The following LY75 variants were observed in gnomAD, a reference collection of about 807,000 sequenced individuals.
LY75 encodes the protein C-type lectin domain family 13 member B.
Under a neutral mutation model 231.7 loss-of-function variants are expected in LY75, and 185 were observed. The ratio of observed to expected loss-of-function variants is 0.80; its 90% CI spans 0.71 to 0.90. LY75 has a LOEUF of 0.90. Ranked by LOEUF, LY75 falls within the 40% of genes least tolerant of loss-of-function variation. The pLI, the probability that LY75 is intolerant of heterozygous loss-of-function variation, is 0.00. For synonymous variants in LY75, 668 were observed against 689.0 expected (o/e 0.97, Z 0.48); for missense variants, 1,947 against 2,050.2 (o/e 0.95, Z 0.97).
chr2:159,871,750 C>T (rs1320955357), intron 13 of LY75: 4 of 152,260 alleles, frequency 2.6e-5, no homozygotes, highest in African/African-American at 9.6e-5. Context: ...GGGCAGATCA[C>T]CTGAGGTCAG....
rs191185780 is a variant in LY75 at position 159,885,993 on chromosome 2, T to C, written c.913+427A>G. Among the ~76,000 whole-genome samples, 266 of 152,276 alleles carry C rather than the reference T, an allele frequency of 1.7e-3. 1 individual carries two copies. Among genetic ancestry groups the C allele is most frequent in the African/African-American group, 6.1e-3 (253 of 41,564 alleles). ...TTATTTGTATTATAAAATACAACCATTATATTGTCAGTACTTGGGTGCTAT... is the reference window on the plus strand; with the variant it reads ...TTATTTGTATTATAAAATACAACCACTATATTGTCAGTACTTGGGTGCTAT... On this transcript the variant is annotated intron_variant, in intron 5 of 34. Coordinates refer to ENST00000263636, the MANE Select transcript of LY75 (RefSeq NM_002349.4).
intron 12 of LY75, among the ~76,000 whole-genome samples, chr2:159,873,309 G>A (rs10497206): frequency 6.6e-6 from 1 of 152,102 alleles, no homozygotes; most frequent in African/African-American, 2.4e-5. Flanking sequence ...CGGAGTATAC[G>A]TCTTTGTACC....
chr2:159,846,948 C>A (rs1340857690), intron 23 of LY75, among the ~76,000 whole-genome samples: 1 of 152,166 alleles, frequency 6.6e-6, no homozygotes, highest in African/African-American at 2.4e-5. Flanking sequence ...TATCAAACTA[C>A]CAAATTAAGA....
chr2:159,898,617 A>G (rs1685970442), intron 2 of LY75, 71 bp downstream of exon 2: 1 of 1,545,848 alleles, frequency 6.5e-7, no homozygotes, highest in South Asian at 1.2e-5. Context: ...TTTTTACTAA[A>G]TTGTGCATGT....
chr2:159,838,486 T>C (rs1255411113), intron 25 of LY75, among the ~76,000 whole-genome samples: 2 of 152,174 alleles, frequency 1.3e-5, no homozygotes, highest in Non-Finnish European at 2.9e-5. Context: ...CATACCAAAA[T>C]ATTGATTGAA....
At chr2:159,877,035 GAAA>G in intron 11 of LY75, among the ~76,000 whole-genome samples, 1 of 116,300 alleles carries the variant, frequency 8.6e-6, no homozygotes, top group African/African-American at 3.1e-5. Flanking sequence ...AAAAAAAAAA[GAAA>G]AAAGAAAAAG....
chr2:159,871,478 A>T (rs1021284377), intron 13 of LY75, among the ~76,000 whole-genome samples: 11 of 152,062 alleles, frequency 7.2e-5, no homozygotes, highest in Non-Finnish European at 1.5e-4. Context: ...AATTTAAAAA[A>T]TTTTTAAATT....
intron 8 of LY75, among the ~76,000 whole-genome samples, chr2:159,879,992 T>C (rs1188069250): frequency 6.6e-6 from 1 of 152,246 alleles, no homozygotes; most frequent in Non-Finnish European, 1.5e-5. Flanking sequence ...TGTCTAGGTA[T>C]GCCATCAATT....
chr2:159,848,040 C>T (rs1309277700), intron 23 of LY75, among the ~76,000 whole-genome samples: 8 of 143,548 alleles, frequency 5.6e-5, no homozygotes, highest in Non-Finnish European at 9.0e-5. Flanking sequence ...GCCCATCAGT[C>T]AATGAATGGA....
At chr2:159,841,542 G>A (rs1176430889) in intron 24 of LY75, among the ~76,000 whole-genome samples, 1 of 152,076 alleles carries the variant, frequency 6.6e-6, no homozygotes, top group African/African-American at 2.4e-5. Context: ...TGTGATCAAT[G>A]AAAAATAATG....
intron 5 of LY75, 120 bp from the exon 6 acceptor site, chr2:159,885,413 A>T: frequency 1.5e-6 from 2 of 1,293,632 alleles, no homozygotes; most frequent in Non-Finnish European, 2.1e-6. Context: ...TATAGTTAAA[A>T]CTTAACTAAA....
At position 159,854,475 on chromosome 2, in the gene LY75, G is replaced by A; in HGVS notation, c.2480C>T (p.Ala827Val). The change falls in exon 18 of 35, where the codon GCT (alanine) becomes GTT (valine). Residue 827 changes from alanine (A) to valine (V), a missense_variant. Coordinates refer to ENST00000263636, the MANE Select transcript of LY75 (RefSeq NM_002349.4). The stretch of plus-strand genomic sequence containing the variant: ...TTCTTCATAGTTTAGGTGAAGATCA[G>A]CAACAAACCAATATTCACTTCCTTC... ...IIEGSEYWFV[A>V]DLHLNYEEAV... The A allele has an allele frequency of 1.2e-6, 2 of 1,613,524 alleles. No individual in the cohort carries two copies. Among genetic ancestry groups the A allele is most frequent in the Non-Finnish European group, 1.7e-6 (2 of 1,179,634 alleles).
At chr2:159,855,433 T>C (rs1046939877) in intron 16 of LY75, among the ~76,000 whole-genome samples, 2 of 152,156 alleles carry the variant, frequency 1.3e-5, no homozygotes, top group Non-Finnish European at 2.9e-5. Flanking sequence ...GGAAACAATG[T>C]ACAATGCTCC....
chr2:159,850,773 C>CATATATAT lies in LY75; in HGVS notation c.2884-314_2884-307dup, dbSNP rs67887100. Among the ~76,000 whole-genome samples the CATATATAT allele has an allele frequency of 8.8e-4, 24 of 27,166 alleles. 3 individuals carry two copies. The highest frequency in any genetic ancestry group is 2.2e-3 in the African/African-American group (20 of 9,076). 17.8% of individuals were successfully genotyped at this position (27,166 alleles called of 152,430 possible). On this transcript the variant is annotated intron_variant, in intron 21 of 34. Transcript: ENST00000263636. ...AACTGAAGAGCGGTCTTCAAACTTTCATATATATATATATATATATATATA... is the reference window on the plus strand; with the variant it reads ...AACTGAAGAGCGGTCTTCAAACTTTCATATATATATATATATATATATATATATATATA...
In LY75 at chr2:159,850,071, T is replaced by C. The variant is rs1291049110; in HGVS notation, c.3059A>G (p.Glu1020Gly). 6.2e-7 allele frequency: 1 copy of C among 1,614,036 alleles called. No homozygotes were observed. The highest frequency in any genetic ancestry group is 8.5e-7 in the Non-Finnish European group (1 of 1,179,938). ...LWIGLRWTAYEKINKWTDNRE... is the reference protein window; with the variant it reads ...LWIGLRWTAYGKINKWTDNRE... ...GTTATCTGTCCATTTGTTTATCTTT[T>C]CATAGGCAGTCCAGCGCAAACCAAT... Residue 1020 changes from glutamate (E) to glycine (G), a missense_variant, in exon 23 of 35, where the codon GAA becomes GGA. By Grantham distance (98) the Glu-to-Gly change is moderately conservative (BLOSUM62 -2). Coordinates refer to ENST00000263636, the MANE Select transcript of LY75 (RefSeq NM_002349.4).
intron 30 of LY75, 102 bp from the exon 31 acceptor site, chr2:159,815,675 T>G: frequency 1.4e-6 from 2 of 1,383,224 alleles, no homozygotes; most frequent in Admixed American, 2.6e-5. Context: ...AATGGAATAT[T>G]AATTATTTGC....
rs772960287 is a variant in LY75 at position 159,831,738 on chromosome 2, A to G, written c.3890T>C (p.Phe1297Ser). 3.3e-5 allele frequency: 54 copies of G among 1,612,574 alleles called. No homozygotes were observed. Among genetic ancestry groups the G allele is most frequent in the Non-Finnish European group, 4.6e-5 (54 of 1,179,504 alleles). ...LSIRDEKENN[F>S]VLEQLLYFNY... ...GAAGTACAGCAGTTGCTCAAGAACA[A>G]AGTTATTCTCCTTTTCATCTCGAAT... Residue 1297 changes from phenylalanine to serine, a missense_variant, in exon 28 of 35, where the codon TTT (phenylalanine) becomes TCT (serine). Coordinates refer to ENST00000263636, the MANE Select transcript of LY75 (RefSeq NM_002349.4).
chr2:159,870,223 A>T (rs2125866396), intron 13 of LY75, among the ~76,000 whole-genome samples: 1 of 152,282 alleles, frequency 6.6e-6, no homozygotes, highest in South Asian at 2.1e-4. Flanking sequence ...AGGCCAAGGA[A>T]GGTGAATCGC....
intron 13 of LY75, chr2:159,872,071 C>T (rs1685031400): frequency 6.2e-6 from 1 of 160,596 alleles, no homozygotes; most frequent in Non-Finnish European, 1.4e-5. Context: ...TCCTATCTTG[C>T]CTTTTGAAAT....
Sources: allele counts gnomAD v4.1 joint callset (sites outside exome capture counted in the v4.1 genomes callset), GRCh38; gene constraint gnomAD v4.1.1; transcripts MANE v1.5; gene names NCBI Gene and HGNC (gene_info 2026-07-23, HGNC 2026-07-21).